The following NFASC variants were observed in gnomAD, a reference collection of about 807,000 sequenced individuals.
NFASC encodes neurofascin.
In NFASC, 43 loss-of-function variants were observed where a neutral mutation model predicts 147.5. The ratio of observed to expected loss-of-function variants is 0.29; its 90% CI spans 0.23 to 0.38. The LOEUF is 0.38. Ranked by LOEUF, NFASC falls within the 10% of genes least tolerant of loss-of-function variation. The probability of loss-of-function intolerance (pLI) is 1.00; values close to 1 mark genes in which losing one functional copy is unlikely to be tolerated. For synonymous variants in NFASC, 622 were observed against 665.5 expected, an observed-to-expected ratio of 0.93 and a Z score of 1.01; for missense variants, 1,320 against 1,689.0, an observed-to-expected ratio of 0.78 and a Z score of 3.83.
chr1:204,932,396 C>T (rs1472854407), intron 2 of NFASC, among the ~76,000 whole-genome samples: 1 of 152,108 alleles, frequency 6.6e-6, no homozygotes, highest in African/African-American at 2.4e-5. Context: ...TTACCTGGAT[C>T]TTCCATTCCA....
At chr1:204,832,570 G>A (rs1260667537) in intron 1 of NFASC, among the ~76,000 whole-genome samples, 2 of 152,252 alleles carry the variant, frequency 1.3e-5, no homozygotes, top group Admixed American at 6.5e-5. Context: ...ATCCATAGCC[G>A]AAGTGGGAAA....
At chr1:204,874,858 T>C (rs1400546078) in intron 1 of NFASC, among the ~76,000 whole-genome samples, 6 of 151,852 alleles carry the variant, frequency 4.0e-5, no homozygotes. Context: ...AAGGTCAAAA[T>C]GAGAGGGGTG....
At chr1:204,912,742 G>A (rs955461303) in intron 1 of NFASC, among the ~76,000 whole-genome samples, 2 of 151,930 alleles carry the variant, frequency 1.3e-5, no homozygotes, top group Non-Finnish European at 2.9e-5. Context: ...TTGTGGTCTA[G>A]GCACAAAGGC....
intron 29 of NFASC, among the ~76,000 whole-genome samples, chr1:205,014,319 G>A (rs1486146699): frequency 6.6e-6 from 1 of 152,170 alleles, no homozygotes; most frequent in Non-Finnish European, 1.5e-5. Context: ...TTTGGCTCTG[G>A]AAGGTCCGCA....
intron 1 of NFASC, among the ~76,000 whole-genome samples, chr1:204,913,752 G>A (rs1277742771): frequency 1.3e-5 from 2 of 151,982 alleles, no homozygotes; most frequent in Non-Finnish European, 2.9e-5. Context: ...GCACCTGTGG[G>A]CCCAGTGCTT....
chr1:204,913,652 C>CTAGA (rs903655028), intron 1 of NFASC, among the ~76,000 whole-genome samples: 3 of 152,162 alleles, frequency 2.0e-5, no homozygotes, highest in African/African-American at 7.2e-5. Flanking sequence ...AAAGTAAGTT[C>CTAGA]TAGATGGATT....
At position 204,890,541 on chromosome 1, in the gene NFASC, G is replaced by A. The variant is rs571231840; in HGVS notation, c.-199-30091G>A. Among the ~76,000 whole-genome samples the A allele has an allele frequency of 2.6e-5, 4 of 151,962 alleles. No homozygotes were observed. In the South Asian group the frequency reaches 8.3e-4, roughly 32 times the overall value. On this transcript the variant is annotated intron_variant, in intron 1 of 29. Coordinates refer to ENST00000339876, the MANE Select transcript of NFASC (RefSeq NM_001005388.3). ...AGGTCCTTGAGAAAAAGGATGCCTG[G>A]TGTCTTTGGAAAGCAGGGAGGCACT...
chr1:204,962,105 C>T (rs747962460), intron 8 of NFASC: 1 of 1,612,518 alleles, frequency 6.2e-7, no homozygotes, highest in Non-Finnish European at 8.5e-7. Context: ...TTGTTTGTTA[C>T]AGACCACCCT....
chr1:204,904,925 A>G (rs1462974760), intron 1 of NFASC, among the ~76,000 whole-genome samples: 1 of 152,010 alleles, frequency 6.6e-6, no homozygotes, highest in Non-Finnish European at 1.5e-5. Context: ...TAATAATATA[A>G]TAAGTATCTA....
At chr1:204,909,119 G>A (rs929675072) in intron 1 of NFASC, among the ~76,000 whole-genome samples, 5 of 152,160 alleles carry the variant, frequency 3.3e-5, no homozygotes, top group Non-Finnish European at 7.3e-5. Context: ...TATTTGCTGG[G>A]TCATAAGACA....
intron 1 of NFASC, among the ~76,000 whole-genome samples, chr1:204,883,559 C>CA (rs546437841): frequency 9.0e-4 from 137 of 152,340 alleles, no homozygotes; most frequent in African/African-American, 3.2e-3. Context: ...GGATGGTCCC[C>CA]AGCTCACCAG....
intron 21 of NFASC, among the ~76,000 whole-genome samples, chr1:204,984,893 G>A (rs2150533201): frequency 6.6e-6 from 1 of 152,298 alleles, no homozygotes; most frequent in Middle Eastern, 3.4e-3. Flanking sequence ...GGCAGTAACT[G>A]TGATTAATGC....
chr1:204,841,462 G>A (rs1034801128), intron 1 of NFASC, among the ~76,000 whole-genome samples: 2 of 152,198 alleles, frequency 1.3e-5, no homozygotes, highest in African/African-American at 4.8e-5. Flanking sequence ...CCAATCTTCT[G>A]TTAGGGAATG....
At chr1:204,984,044 A>G (rs1161276410) in intron 21 of NFASC, 1 of 1,613,872 alleles carries the variant, frequency 6.2e-7, no homozygotes, top group Middle Eastern at 1.7e-4. Context: ...GGCTGCGCCC[A>G]CTGAAGTTAA....
chr1:204,921,268 G>A (rs2090424617), intron 2 of NFASC, among the ~76,000 whole-genome samples: 1 of 152,196 alleles, frequency 6.6e-6, no homozygotes, highest in Admixed American at 6.5e-5. Context: ...GTTAGATTTT[G>A]CTGCCACTCC....
chr1:204,837,162 A>G (rs886348520), intron 1 of NFASC, among the ~76,000 whole-genome samples: 1 of 152,262 alleles, frequency 6.6e-6, no homozygotes, highest in African/African-American at 2.4e-5. Flanking sequence ...TTAAGTTTCT[A>G]AAGCATGATC....
At chr1:204,891,351 CAGG>C (rs751698272) in intron 1 of NFASC, among the ~76,000 whole-genome samples, 1 of 152,118 alleles carries the variant, frequency 6.6e-6, no homozygotes, top group Non-Finnish European at 1.5e-5. Flanking sequence ...GACAGTGCAT[CAGG>C]AGAAGGGCCA....
At chr1:204,967,889 G>A (rs780805416) in intron 8 of NFASC, 108 of 190,996 alleles carry the variant, frequency 5.7e-4, no homozygotes, top group Non-Finnish European at 3.8e-4. Context: ...GGCCTGCCCT[G>A]GGGGCCACAC....
chr1:204,896,083 T>G lies in NFASC; in HGVS notation c.-199-24549T>G, dbSNP rs16854648. ...TGCCCACTCTCTGGCCTGGAAGAGA[T>G]GGCATGGAGAAGGCCAAAAGGAACA... On this transcript the variant is annotated intron_variant, in intron 1 of 29. Coordinates refer to ENST00000339876, the MANE Select transcript of NFASC (RefSeq NM_001005388.3). Among the ~76,000 whole-genome samples the G allele has an allele frequency of 5.9e-3, 894 of 152,248 alleles. 10 individuals are homozygous for G. Among genetic ancestry groups the G allele is most frequent in the African/African-American group, 0.02 (850 of 41,534 alleles).
Sources: gnomAD v4.1 joint callset for allele counts (sites outside exome capture counted in the v4.1 genomes callset) on GRCh38, gnomAD v4.1.1 for gene constraint, MANE v1.5 for transcripts, NCBI Gene and HGNC (gene_info 2026-07-23, HGNC 2026-07-21) for gene names.